Variants in SLX4IP observed in about 807,000 individuals in gnomAD.
SLX4IP encodes SLX4 interacting protein.
In SLX4IP, 34 loss-of-function variants were observed where a neutral mutation model predicts 32.9. The observed-to-expected ratio is 1.03, with a 90% CI of 0.79 to 1.38. The LOEUF is 1.38. SLX4IP is among the 40% of genes most tolerant of loss of function. SLX4IP has a pLI of 0.00. For missense variants in SLX4IP, 444 were observed against 479.0 expected (o/e 0.93, Z 0.68); for synonymous variants, 172 against 171.7 (o/e 1.00, Z -0.01).
intron 2 of SLX4IP, among the ~76,000 whole-genome samples, chr20:10,531,710 A>T (rs2122465149): frequency 6.6e-6 from 1 of 152,246 alleles, no homozygotes; most frequent in South Asian, 2.1e-4. Flanking sequence ...TAGTGACTGG[A>T]GGTGGTTCCT....
chr20:10,551,625 G>A (rs978742957), intron 2 of SLX4IP, among the ~76,000 whole-genome samples: 1 of 152,208 alleles, frequency 6.6e-6, no homozygotes, highest in Admixed American at 6.5e-5. Flanking sequence ...ACATGGACCA[G>A]TCACTTAATG....
At chr20:10,523,331 C>T (rs2065914786) in intron 2 of SLX4IP, among the ~76,000 whole-genome samples, 1 of 152,120 alleles carries the variant, frequency 6.6e-6, no homozygotes, top group East Asian at 1.9e-4. Context: ...AGCCAGTTTG[C>T]AGGGGGGAGG....
intron 1 of SLX4IP, among the ~76,000 whole-genome samples, chr20:10,438,179 G>A (rs1015432361): frequency 4.6e-5 from 7 of 151,804 alleles, no homozygotes; most frequent in Non-Finnish European, 7.4e-5. Context: ...TAGAAAAGAG[G>A]GTGATATAAA....
intron 2 of SLX4IP, among the ~76,000 whole-genome samples, chr20:10,529,221 A>C (rs1285814807): frequency 6.6e-6 from 1 of 152,194 alleles, no homozygotes; most frequent in African/African-American, 2.4e-5. Context: ...GAGACATTTA[A>C]TTTTTATAAT....
intron 2 of SLX4IP, among the ~76,000 whole-genome samples, chr20:10,486,028 A>G (rs982458775): frequency 7.2e-5 from 11 of 152,092 alleles, no homozygotes; most frequent in Admixed American, 3.3e-4. Flanking sequence ...CCTCGGTATA[A>G]CATTATTGGA....
intron 2 of SLX4IP, among the ~76,000 whole-genome samples, chr20:10,486,603 A>G (rs1436410798): frequency 6.6e-6 from 1 of 152,152 alleles, no homozygotes; most frequent in East Asian, 1.9e-4. Flanking sequence ...GGTTGGGACA[A>G]ATTTGCAAAT....
intron 6 of SLX4IP, among the ~76,000 whole-genome samples, chr20:10,608,894 C>T (rs902635376): frequency 6.6e-6 from 1 of 152,038 alleles, no homozygotes; most frequent in African/African-American, 2.4e-5. Context: ...CCAAGAAACT[C>T]GACTCCCTAA....
chr20:10,506,512 C>G (rs773338204), intron 2 of SLX4IP, among the ~76,000 whole-genome samples: 1 of 152,196 alleles, frequency 6.6e-6, no homozygotes. Context: ...GTTGTTTGCT[C>G]AAACTCTCTG....
chr20:10,470,113 G>A (rs897678749), intron 2 of SLX4IP, among the ~76,000 whole-genome samples: 11 of 152,138 alleles, frequency 7.2e-5, no homozygotes, highest in African/African-American at 2.2e-4. Flanking sequence ...CCCCAGTTCC[G>A]CCCTGGTCCC....
chr20:10,562,375 G>A (rs887907756), intron 4 of SLX4IP, among the ~76,000 whole-genome samples: 6 of 152,172 alleles, frequency 3.9e-5, no homozygotes, highest in African/African-American at 1.2e-4. Context: ...CCCAGCTGCC[G>A]GACTCTCCGA....
intron 6 of SLX4IP, among the ~76,000 whole-genome samples, chr20:10,610,028 G>A (rs1012968618): frequency 7.9e-5 from 12 of 152,094 alleles, no homozygotes; most frequent in Non-Finnish European, 1.5e-4. Flanking sequence ...ACAATGTCAA[G>A]TGTTGGCCCA....
chr20:10,510,470 G>A (rs2065797019), intron 2 of SLX4IP, among the ~76,000 whole-genome samples: 1 of 152,206 alleles, frequency 6.6e-6, no homozygotes, highest in African/African-American at 2.4e-5. Flanking sequence ...AGTATCAGCG[G>A]GGAGCACGGA....
chr20:10,534,936 C>T (rs1212182978), intron 2 of SLX4IP, among the ~76,000 whole-genome samples: 1 of 152,178 alleles, frequency 6.6e-6, no homozygotes, highest in African/African-American at 2.4e-5. Context: ...ATGCAACTGA[C>T]TTGGGTGTAC....
chr20:10,525,710 A>G (rs780736321), intron 2 of SLX4IP, among the ~76,000 whole-genome samples: 8 of 152,180 alleles, frequency 5.3e-5, no homozygotes, highest in Non-Finnish European at 1.2e-4. Context: ...CCATCAGGTA[A>G]TGGACCAGCA....
intron 2 of SLX4IP, among the ~76,000 whole-genome samples, chr20:10,532,198 G>A (rs675279): frequency 0.59 from 89,796 of 151,882 alleles, 26,921 homozygotes; most frequent in South Asian, 0.75. Context: ...ACTTTCATCT[G>A]TATTTAATTT....
At chr20:10,482,358 G>A (rs1469665846) in intron 2 of SLX4IP, among the ~76,000 whole-genome samples, 1 of 152,060 alleles carries the variant, frequency 6.6e-6, no homozygotes, top group South Asian at 2.1e-4. Context: ...GGTCTTATGC[G>A]GCTCTTTCAT....
At chr20:10,460,529 T>C (rs1478597817) in intron 2 of SLX4IP, among the ~76,000 whole-genome samples, 4 of 152,230 alleles carry the variant, frequency 2.6e-5, no homozygotes, top group Non-Finnish European at 5.9e-5. Context: ...CCTTTAGTTC[T>C]CATCCACGTG....
chr20:10,441,411 C>T (rs1017828925), intron 1 of SLX4IP, among the ~76,000 whole-genome samples: 7 of 152,030 alleles, frequency 4.6e-5, no homozygotes, highest in Admixed American at 1.3e-4. Context: ...CACTGCAGCC[C>T]GGGCAACAGA....
intron 2 of SLX4IP, among the ~76,000 whole-genome samples, chr20:10,515,790 T>A (rs1362501207): frequency 6.6e-6 from 1 of 152,244 alleles, no homozygotes; most frequent in African/African-American, 2.4e-5. Flanking sequence ...AGATGATTAT[T>A]TCTTTCTGAA....
Sources: gnomAD v4.1 joint callset for allele counts (sites outside exome capture counted in the v4.1 genomes callset) on GRCh38, gnomAD v4.1.1 for gene constraint, MANE v1.5 for transcripts, NCBI Gene and HGNC (gene_info 2026-07-23, HGNC 2026-07-21) for gene names.